NSG2: variants seen among roughly 807,000 people sequenced by gnomAD.
The protein encoded by NSG2 is neuronal vesicle trafficking-associated protein 2.
In NSG2, 4 loss-of-function variants were observed where a neutral mutation model predicts 16.9. The ratio of observed to expected loss-of-function variants is 0.24; its 90% confidence interval spans 0.12 to 0.54. The LOEUF (loss-of-function observed/expected upper bound fraction) is 0.54, where lower values mean the gene tolerates loss of function less well. Among genes scored for constraint, NSG2 ranks in the 20% least tolerant of loss-of-function variants. The pLI, the probability that NSG2 is intolerant of heterozygous loss-of-function variation, is 0.95. For missense variants in NSG2, 179 were observed against 221.1 expected (o/e 0.81, Z 1.21); for synonymous variants, 98 against 88.7 (o/e 1.11, Z -0.59).
chr5:174,074,895 T>A (rs1760312568), intron 3 of NSG2, among the ~76,000 whole-genome samples: 1 of 151,904 alleles, frequency 6.6e-6, no homozygotes, highest in Non-Finnish European at 1.5e-5. Context: ...AAGTCCTAGG[T>A]TCCTAGCATT....
chr5:174,056,372 C>CA (rs1219198678), intron 2 of NSG2: 6 of 152,166 alleles, frequency 3.9e-5, no homozygotes, highest in Non-Finnish European at 7.3e-5. Context: ...GGTACCTTTA[C>CA]AAAAAACCCA....
chr5:174,046,934 A>G, intron 2 of NSG2, 50 bp downstream of exon 2: 1 of 1,589,848 alleles, frequency 6.3e-7, no homozygotes, highest in Non-Finnish European at 8.6e-7. Context: ...CCCCCATCTC[A>G]GGAAATAAAG....
chr5:174,075,519 C>T (rs766648459), intron 3 of NSG2, among the ~76,000 whole-genome samples: 34 of 152,176 alleles, frequency 2.2e-4, no homozygotes, highest in Admixed American at 8.5e-4. Flanking sequence ...TTGGCTCTCT[C>T]GTCCTCTTTT....
chr5:174,053,404 C>T (rs987586676), intron 2 of NSG2, among the ~76,000 whole-genome samples: 6 of 149,890 alleles, frequency 4.0e-5, no homozygotes, highest in East Asian at 2.0e-4. Context: ...GGGTGTGGGG[C>T]GGGGTGGGGC....
At chr5:174,099,824 C>T (rs1175959888) in intron 3 of NSG2, among the ~76,000 whole-genome samples, 11 of 152,062 alleles carry the variant, frequency 7.2e-5, no homozygotes, top group Non-Finnish European at 2.9e-5. Flanking sequence ...CTGATGCCCC[C>T]GCCCCCAGGT....
intron 3 of NSG2, chr5:174,066,322 G>A (rs1263250710): frequency 2.2e-6 from 1 of 448,442 alleles, no homozygotes; most frequent in Admixed American, 2.4e-5. Flanking sequence ...AGAGGCCTGG[G>A]GTATCTTGGT....
At chr5:174,086,064 A>C (rs928279760) in intron 3 of NSG2, among the ~76,000 whole-genome samples, 1 of 152,086 alleles carries the variant, frequency 6.6e-6, no homozygotes, top group African/African-American at 2.4e-5. Context: ...TTTTGTGGAC[A>C]CATGTTTCAG....
chr5:174,046,931 C>A, intron 2 of NSG2, 47 bp downstream of exon 2: 1 of 1,598,196 alleles, frequency 6.3e-7, no homozygotes, highest in Non-Finnish European at 8.5e-7. Flanking sequence ...CTCCCCCCAT[C>A]TCAGGAAATA....
intron 3 of NSG2, among the ~76,000 whole-genome samples, chr5:174,084,820 T>C (rs943842299): frequency 6.6e-6 from 1 of 152,164 alleles, no homozygotes; most frequent in African/African-American, 2.4e-5. Context: ...GGGAAGATAA[T>C]TTCATTAGGT....
Position 174,107,758 on chromosome 5 carries a change from A to G in NSG2, c.*253A>G. On this transcript the variant is annotated 3_prime_UTR_variant, in exon 5 of 5. Coordinates refer to ENST00000303177, the MANE Select transcript of NSG2 (RefSeq NM_015980.5). The surrounding 1 kb of genome is among the most constrained non-coding windows in gnomAD (Gnocchi z 4.5). ...ATGTACAAAGGCATGTTTCGTGTTG[A>G]TTGTTCCCATGTAAGATATTTTTAA... 1.5e-6 allele frequency: 1 copy of G among 667,942 alleles called. No individual in the cohort carries two copies. The highest frequency in any genetic ancestry group is 1.5e-5 in the South Asian group (1 of 66,406). The allele number at this position is 667,942 out of a possible 1,614,324, so 41.4% of individuals were successfully genotyped here. A position where few individuals can be genotyped will look rare whatever the true frequency, so the allele number is the denominator to read the frequency against.
At chr5:174,079,430 G>T (rs1367464013) in intron 3 of NSG2, among the ~76,000 whole-genome samples, 1 of 152,062 alleles carries the variant, frequency 6.6e-6, no homozygotes, top group African/African-American at 2.4e-5. Flanking sequence ...GCTAATTTTT[G>T]TATTTTTAGT....
intron 3 of NSG2, among the ~76,000 whole-genome samples, chr5:174,090,522 G>A (rs1760705355): frequency 6.6e-6 from 1 of 152,222 alleles, no homozygotes. Flanking sequence ...ACTCCTATCA[G>A]TTCTGGGGAT....
intron 3 of NSG2, among the ~76,000 whole-genome samples, chr5:174,097,707 TTG>T (rs1187599238): frequency 4.1e-5 from 6 of 147,676 alleles, no homozygotes; most frequent in African/African-American, 1.5e-4. Context: ...GTGTGTCTTT[TTG>T]TGTGTGTTTG....
At chr5:174,049,517 C>A (rs1006987038) in intron 2 of NSG2, among the ~76,000 whole-genome samples, 1 of 152,214 alleles carries the variant, frequency 6.6e-6, no homozygotes, top group Non-Finnish European at 1.5e-5. Context: ...TTAATAGGCC[C>A]CAGTGAGGGA....
At chr5:174,061,936 A>C (rs948856363) in intron 2 of NSG2, among the ~76,000 whole-genome samples, 1 of 123,556 alleles carries the variant, frequency 8.1e-6, no homozygotes, top group African/African-American at 3.3e-5. Context: ...TTTTTTAGGC[A>C]GGGAAGTTGG....
intron 2 of NSG2, among the ~76,000 whole-genome samples, chr5:174,058,629 G>T (rs1760001459): frequency 6.6e-6 from 1 of 152,170 alleles, no homozygotes; most frequent in South Asian, 2.1e-4. Flanking sequence ...ACAGAACCAA[G>T]AGAGAGGCTG....
chr5:174,071,265 G>C (rs1310458956), intron 3 of NSG2, among the ~76,000 whole-genome samples: 2 of 152,192 alleles, frequency 1.3e-5, no homozygotes, highest in Non-Finnish European at 2.9e-5. Context: ...AAGGTGGGTG[G>C]ATCACGAGGT....
At chr5:174,085,651 T>C (rs1224847530) in intron 3 of NSG2, among the ~76,000 whole-genome samples, 2 of 152,216 alleles carry the variant, frequency 1.3e-5, no homozygotes, top group African/African-American at 2.4e-5. Flanking sequence ...ACATCTTAAT[T>C]TCCCGAGTTT....
At chr5:174,046,919 G>C (rs1315992451) in intron 2 of NSG2, 35 bp downstream of exon 2, 3 of 1,605,610 alleles carry the variant, frequency 1.9e-6, no homozygotes, top group Non-Finnish European at 8.5e-7. Flanking sequence ...TCAGCCCCCA[G>C]GCTCCCCCCA....
Sources: gnomAD v4.1 joint callset for allele counts (sites outside exome capture counted in the v4.1 genomes callset) on GRCh38, gnomAD v4.1.1 for gene constraint, Gnocchi (gnomAD v3.1) non-coding constraint, MANE v1.5 for transcripts, NCBI Gene and HGNC (gene_info 2026-07-23, HGNC 2026-07-21) for gene names.